The following TUB variants were observed in gnomAD, a reference collection of about 807,000 sequenced individuals.
TUB encodes the protein tubby protein homolog.
In TUB, 33 loss-of-function variants were observed where a neutral mutation model predicts 59.7. The ratio of observed to expected loss-of-function variants is 0.55; its 90% CI spans 0.42 to 0.74. The LOEUF (loss-of-function observed/expected upper bound fraction) is 0.74, where lower values mean the gene tolerates loss of function less well. Ranked by LOEUF, TUB falls within the 30% of genes least tolerant of loss-of-function variation. TUB has a pLI of 0.00. For synonymous variants in TUB, 293 were observed against 256.4 expected (o/e 1.14, Z -1.36); for missense variants, 659 against 672.0 (o/e 0.98, Z 0.21).
chr11:8,091,482 G>A (rs1048481108), intron 3 of TUB, among the ~76,000 whole-genome samples: 1 of 152,190 alleles, frequency 6.6e-6, no homozygotes, highest in Non-Finnish European at 1.5e-5. Flanking sequence ...TCATCAGTAA[G>A]GATGTGGGCT....
At chr11:8,030,607 A>G (rs1375743781) in intron 1 of TUB, among the ~76,000 whole-genome samples, 1 of 152,186 alleles carries the variant, frequency 6.6e-6, no homozygotes, top group African/African-American at 2.4e-5. Context: ...AGCAGGCCTT[A>G]GGGAACAGCC....
At position 8,097,711 on chromosome 11, in the gene TUB, A is replaced by C; in HGVS notation, c.886-3A>C. The C allele has an allele frequency of 6.2e-7, 1 of 1,611,676 alleles. No homozygotes were observed. Among genetic ancestry groups the C allele is most frequent in the Non-Finnish European group, 8.5e-7 (1 of 1,178,142 alleles). ...GGAATATGACCTCATTCCACTCCCC[A>C]AGGTGTTCCTCCTGGCGGGAAGGAA... On this transcript the variant is annotated splice_region_variant and splice_polypyrimidine_tract_variant and intron_variant, in intron 7 of 11. Transcript: ENST00000299506.
chr11:8,070,562 A>G (rs1943343111), intron 2 of TUB, among the ~76,000 whole-genome samples: 1 of 152,156 alleles, frequency 6.6e-6, no homozygotes, highest in Non-Finnish European at 1.5e-5. Context: ...ATCATGTGCA[A>G]TAATATAAAC....
intron 1 of TUB, among the ~76,000 whole-genome samples, chr11:8,088,526 C>T (rs950104614): frequency 6.6e-6 from 1 of 152,232 alleles, no homozygotes; most frequent in Non-Finnish European, 1.5e-5. Flanking sequence ...CACACACTTC[C>T]TTATGGCCTC....
At chr11:8,079,627 A>G (rs1321907597), upstream of TUB, among the ~76,000 whole-genome samples, 1 of 152,150 alleles carries the variant, frequency 6.6e-6, no homozygotes, top group East Asian at 1.9e-4. Flanking sequence ...CCTGAGCTCC[A>G]GAAGCCTGGA....
chr11:8,057,788 C>CTT (rs1943043346), intron 2 of TUB, among the ~76,000 whole-genome samples: 1 of 151,960 alleles, frequency 6.6e-6, no homozygotes, highest in African/African-American at 2.4e-5. Flanking sequence ...TTTTGTCATG[C>CTT]TTTAAGGCCC....
intron 9 of TUB, 116 bp from the exon 10 acceptor site, chr11:8,100,387 A>G: frequency 2.5e-6 from 2 of 797,508 alleles, no homozygotes; most frequent in Admixed American, 4.1e-5. Flanking sequence ...GATGTGTGTT[A>G]GACTTCGGAG....
Position 8,106,193 on chromosome 11 carries a change from TTGTC to T in TUB, c.*4576_*4579del, listed in dbSNP as rs1278145035. ...TTATGTATGTTGTAGAATTTAGTGTTTGTCTAAGTACACACATATATCAACAAAT... is the reference window on the plus strand; with the variant it reads ...TTATGTATGTTGTAGAATTTAGTGTTTAAGTACACACATATATCAACAAAT... On this transcript the variant is annotated 3_prime_UTR_variant, in exon 12 of 12. Coordinates refer to ENST00000299506, the MANE Select transcript of TUB (RefSeq NM_177972.3). 1 of 152,366 alleles carries T rather than the reference TTGTC, an allele frequency of 6.6e-6. No homozygotes were observed. The highest frequency in any genetic ancestry group is 1.9e-4 in the East Asian group (1 of 5,192). 9.4% of individuals were successfully genotyped at this position (152,366 alleles called of 1,614,324 possible).
At chr11:8,052,743 G>C (rs1225017994) in intron 2 of TUB, among the ~76,000 whole-genome samples, 1 of 152,130 alleles carries the variant, frequency 6.6e-6, no homozygotes, top group Non-Finnish European at 1.5e-5. Context: ...ACAAAGTGCT[G>C]GGATTACAGG....
intron 1 of TUB, among the ~76,000 whole-genome samples, chr11:8,088,521 A>G (rs1228973608): frequency 1.3e-5 from 2 of 152,128 alleles, no homozygotes; most frequent in Non-Finnish European, 2.9e-5. Context: ...ATATTCACAC[A>G]CTTCCTTATG....
At chr11:8,041,396 A>G (rs575989734) in intron 2 of TUB, among the ~76,000 whole-genome samples, 4 of 152,316 alleles carry the variant, frequency 2.6e-5, no homozygotes, top group South Asian at 4.1e-4. Context: ...GGGCTGACTT[A>G]TAGGGCTGAC....
upstream of TUB, among the ~76,000 whole-genome samples, chr11:8,035,201 A>C (rs10734628): frequency 0.73 from 111,810 of 152,226 alleles, 42,849 homozygotes; most frequent in East Asian, 0.98. Flanking sequence ...TGCAAAGCAC[A>C]TACAACAAAA....
At chr11:8,038,580 G>C, upstream of TUB, 1 of 1,128,060 alleles carries the variant, frequency 8.9e-7, no homozygotes, top group Non-Finnish European at 1.1e-6. Context: ...TGGCCTCCGT[G>C]TTGCCATGGA....
upstream of TUB, chr11:8,076,934 C>G (rs180928994): frequency 8.5e-5 from 13 of 152,258 alleles, 1 homozygote; most frequent in East Asian, 2.5e-3. Context: ...CTATTTATCT[C>G]AATCATCAAC....
At chr11:8,054,572 T>G (rs1042290689) in intron 2 of TUB, among the ~76,000 whole-genome samples, 17 of 152,354 alleles carry the variant, frequency 1.1e-4, no homozygotes, top group African/African-American at 3.8e-4. Flanking sequence ...CTCACCTGCA[T>G]GCCATGTCAT....
rs181091727 is a variant in TUB at position 8,026,844 on chromosome 11, T to C, written c.56+7486T>C. Among the ~76,000 whole-genome samples the C allele has an allele frequency of 1.3e-3, 195 of 152,340 alleles. 1 individual carries two copies. Among genetic ancestry groups the C allele is most frequent in the African/African-American group, 4.4e-3 (184 of 41,580 alleles). ...ATTTTGTTGACTTTATAGATCAATTTGGGGAGAGTTACATCTTAGTAACAT... is the reference window on the plus strand; with the variant it reads ...ATTTTGTTGACTTTATAGATCAATTCGGGGAGAGTTACATCTTAGTAACAT... On this transcript the variant is annotated intron_variant, in intron 1 of 11. Coordinates refer to the TUB transcript ENST00000534099.
intron 1 of TUB, among the ~76,000 whole-genome samples, chr11:8,026,193 T>C (rs533036144): frequency 1.3e-5 from 2 of 152,232 alleles, no homozygotes; most frequent in African/African-American, 4.8e-5. Context: ...CTTTGTATGC[T>C]GTGGATGCAT....
chr11:8,031,229 G>A (rs1277849210), intron 1 of TUB, among the ~76,000 whole-genome samples: 1 of 151,966 alleles, frequency 6.6e-6, no homozygotes, highest in Non-Finnish European at 1.5e-5. Flanking sequence ...GGACTGGGGG[G>A]ATCCTCTCTT....
intron 2 of TUB, among the ~76,000 whole-genome samples, chr11:8,057,654 G>T (rs559357027): frequency 6.6e-6 from 1 of 152,144 alleles, no homozygotes; most frequent in Non-Finnish European, 1.5e-5. Flanking sequence ...GCGAAGTCAC[G>T]GAGGTTTGGG....
Sources: gnomAD v4.1 joint callset for allele counts (sites outside exome capture counted in the v4.1 genomes callset) on GRCh38, gnomAD v4.1.1 for gene constraint, MANE v1.5 for transcripts, NCBI Gene and HGNC (gene_info 2026-07-23, HGNC 2026-07-21) for gene names.